The following TUBG2 variants were observed in gnomAD, a reference collection of about 807,000 sequenced individuals.
TUBG2 encodes tubulin gamma 2, also known as tubulin gamma-2 chain.
Under a neutral mutation model 55.1 loss-of-function variants are expected in TUBG2, and 39 were observed. That is an observed-to-expected ratio of 0.71 (90% confidence interval 0.55 to 0.93). TUBG2 has a LOEUF of 0.93. Among genes scored for constraint, TUBG2 ranks in the 40% least tolerant of loss-of-function variants. TUBG2 has a pLI of 0.00. For synonymous variants in TUBG2, 223 were observed against 241.0 expected, an observed-to-expected ratio of 0.93 and a Z score of 0.69; for missense variants, 358 against 599.1, an observed-to-expected ratio of 0.60 and a Z score of 4.20.
At chr17:42,659,590 C>T in intron 1 of TUBG2, 38 bp downstream of exon 1, 1 of 1,535,464 alleles carries the variant, frequency 6.5e-7, no homozygotes, top group Non-Finnish European at 8.8e-7. Flanking sequence ...GTCTCTGGTT[C>T]TGCCCCTTCG....
Position 42,666,367 on chromosome 17 carries a change from C to T in TUBG2, c.1041C>T (p.Asn347=), listed in dbSNP as rs370994542. ...LQRIRERKLA[N]FIPWGPASIQ... Reference sequence around the variant, plus strand: ...GGATCCGGGAACGGAAGTTGGCCAACTTCATCCCGTGGGGCCCCGCCAGCA... The same window carrying T: ...GGATCCGGGAACGGAAGTTGGCCAATTTCATCCCGTGGGGCCCCGCCAGCA... The change falls in exon 10 of 11, where the codon AAC becomes AAT. Residue 347 remains asparagine, a synonymous_variant. Coordinates refer to ENST00000251412, the MANE Select transcript of TUBG2 (RefSeq NM_016437.3). 2.5e-6 allele frequency: 4 copies of T among 1,614,126 alleles called. No individual in the cohort carries two copies. Among genetic ancestry groups the T allele is most frequent in the African/African-American group, 2.7e-5 (2 of 74,944 alleles).
chr17:42,665,406 G>T lies in TUBG2; in HGVS notation c.607-70G>T, dbSNP rs375870608. 69 of 1,610,604 alleles carry T rather than the reference G, an allele frequency of 4.3e-5. No individual in the cohort carries two copies. The East Asian group carries it at 6.0e-4, about 14-fold the overall frequency. The stretch of plus-strand genomic sequence containing the variant: ...TTCCTGGCTTTGGAGTTCAGCAGGG[G>T]CTAAGCCAATATCTTATTTCTATGC... On this transcript the variant is annotated intron_variant, in intron 6 of 10. Transcript: ENST00000251412.
Position 42,659,567 on chromosome 17 carries a change from G to A in TUBG2, c.49+15G>A, listed in dbSNP as rs965437753. Reference sequence around the variant, plus strand: ...CGGCAACCAGAGTGAGCAAGCGAGCGCCGGCCCCGCCGGTCTCTGGTTCTG... The same window carrying A: ...CGGCAACCAGAGTGAGCAAGCGAGCACCGGCCCCGCCGGTCTCTGGTTCTG... On this transcript the variant is annotated intron_variant, in intron 1 of 10. Transcript: ENST00000251412. 6.6e-7 allele frequency: 1 copy of A among 1,512,786 alleles called. No homozygotes were observed. Among genetic ancestry groups the A allele is most frequent in the Admixed American group, 2.1e-5 (1 of 48,270 alleles). The allele number at this position is 1,512,786 out of a possible 1,614,324, so 93.7% of individuals were successfully genotyped here.
Position 42,666,079 on chromosome 17 carries a change from C to T in TUBG2, c.844-8C>T, listed in dbSNP as rs753014826. ...GCTGGCCGGGTCCCTGTCTCACTGT[C>T]CCATCAGGTGGCCAGCGTGAGGAAG... On this transcript the variant is annotated splice_region_variant and splice_polypyrimidine_tract_variant and intron_variant, in intron 8 of 10. Coordinates refer to ENST00000251412, the MANE Select transcript of TUBG2 (RefSeq NM_016437.3). 2.5e-6 allele frequency: 4 copies of T among 1,613,990 alleles called. No homozygotes were observed. The highest frequency in any genetic ancestry group is 3.4e-6 in the Non-Finnish European group (4 of 1,179,874).
chr17:42,665,704 C>A lies in TUBG2; in HGVS notation c.720C>A (p.Thr240=). 2 of 1,614,196 alleles carry A rather than the reference C, an allele frequency of 1.2e-6. No individual in the cohort carries two copies. The highest frequency in any genetic ancestry group is 1.7e-6 in the Non-Finnish European group (2 of 1,180,036). ...TGTCCACCATCATGTCGGCCAGCAC[C>A]ACCACCCTGCGCTACCCCGGCTACA... ...QLVSTIMSAS[T]TTLRYPGYMN... is the part of the protein sequence containing the mutation. The change falls in exon 8 of 11, where the codon ACC becomes ACA. Residue 240 remains threonine, a synonymous_variant. Coordinates refer to ENST00000251412, the MANE Select transcript of TUBG2 (RefSeq NM_016437.3).
Position 42,665,469 on chromosome 17 carries a change from C to A in TUBG2, c.607-7C>A, listed in dbSNP as rs1167308916. On this transcript the variant is annotated splice_region_variant and splice_polypyrimidine_tract_variant and intron_variant, in intron 6 of 10. Coordinates refer to ENST00000251412, the MANE Select transcript of TUBG2 (RefSeq NM_016437.3). ...CAAGATGCTGTGATGCTCTTCTGTC[C>A]CCCCAGGTGGTGCTGGACAACACAG... 1.2e-6 allele frequency: 2 copies of A among 1,614,076 alleles called. No homozygotes were observed. The highest frequency in any genetic ancestry group is 1.7e-6 in the Non-Finnish European group (2 of 1,180,026).
intron 6 of TUBG2, 138 bp from the exon 7 acceptor site, chr17:42,665,338 C>T (rs2052500864): frequency 4.4e-6 from 6 of 1,353,152 alleles, no homozygotes; most frequent in Middle Eastern, 2.6e-4. Context: ...TGAGCCACCG[C>T]GCCCGGCCTC....
At position 42,663,023 on chromosome 17, in the gene TUBG2, C is replaced by G; in HGVS notation, c.450C>G (p.Gly150=). ...CTGGGGGTACGGGTTCTGGCCTGGG[C>G]TCCTACCTCCTGGAGCGACTGAATG... ...SIAGGTGSGL[G]SYLLERLNDR... is the part of the protein sequence containing the mutation. The change falls in exon 5 of 11, where the codon GGC becomes GGG. Residue 150 remains glycine, a synonymous_variant. Coordinates refer to ENST00000251412, the MANE Select transcript of TUBG2 (RefSeq NM_016437.3). 1 of 1,614,124 alleles carries G rather than the reference C, an allele frequency of 6.2e-7. No individual in the cohort carries two copies. Among genetic ancestry groups the G allele is most frequent in the Non-Finnish European group, 8.5e-7 (1 of 1,180,016 alleles).
At chr17:42,665,268 C>T (rs952858705) in intron 6 of TUBG2, among the ~76,000 whole-genome samples, 8 of 151,926 alleles carry the variant, frequency 5.3e-5, no homozygotes, top group Admixed American at 6.6e-5. Context: ...AAGATGGTCT[C>T]GATCTCCTGA....
At position 42,660,320 on chromosome 17, in the gene TUBG2, T is replaced by C. The variant is rs368638531; in HGVS notation, c.330+4T>C. ...CTGGGCCAGCGGATTCTCCCAGGTG[T>C]CCTAGCGACCATTCCAGAGACCTTT... On this transcript the variant is annotated splice_donor_region_variant and intron_variant, in intron 3 of 10. Coordinates refer to ENST00000251412, the MANE Select transcript of TUBG2 (RefSeq NM_016437.3). The C allele has an allele frequency of 1.0e-4, 169 of 1,614,068 alleles. 1 individual carries two copies. The highest frequency in any genetic ancestry group is 2.5e-5 in the Non-Finnish European group (29 of 1,180,028).
rs533994432 is a variant in TUBG2 at position 42,662,914 on chromosome 17, ATTGTG to A, written c.400-53_400-49del. The stretch of plus-strand genomic sequence containing the variant: ...AAGACCCCACCCATCTGGTATCAGA[ATTGTG>A]TTGTGAGAGTGTGGCAGGAGAAACT... On this transcript the variant is annotated intron_variant, in intron 4 of 10. Transcript: ENST00000251412. 1.3e-4 allele frequency: 199 copies of A among 1,552,370 alleles called. No individual in the cohort carries two copies. In the African/African-American group the frequency reaches 2.2e-3, roughly 17 times the overall value.
intron 5 of TUBG2, 22 bp downstream of exon 5, chr17:42,663,074 G>C (rs370231980): frequency 4.1e-5 from 66 of 1,611,092 alleles, no homozygotes; most frequent in Middle Eastern, 3.3e-4. Context: ...TTTGGGGAGA[G>C]GGCATTAACC....
Position 42,663,383 on chromosome 17 carries a change from C to G in TUBG2, c.486C>G (p.Pro162=). The change falls in exon 6 of 11, where the codon CCC becomes CCG. Residue 162 remains proline (P), a synonymous_variant. Transcript: ENST00000251412. ...YLLERLNDRY[P]KKLVQTYSVF... ...CCATCCTCTTTTCTCTCAGGTACCCCAAGAAGCTAGTGCAGACTTATTCAG... is the reference window on the plus strand; with the variant it reads ...CCATCCTCTTTTCTCTCAGGTACCCGAAGAAGCTAGTGCAGACTTATTCAG... 6.2e-7 allele frequency: 1 copy of G among 1,614,066 alleles called. No individual in the cohort carries two copies. Among genetic ancestry groups the G allele is most frequent in the Non-Finnish European group, 8.5e-7 (1 of 1,179,974 alleles).
chr17:42,665,420 T>C, intron 6 of TUBG2, 56 bp from the exon 7 acceptor site: 1 of 1,613,204 alleles, frequency 6.2e-7, no homozygotes, highest in East Asian at 2.2e-5. Flanking sequence ...AGCCAATATC[T>C]TATTTCTATG....
rs202088702 is a variant in TUBG2 at position 42,665,838 on chromosome 17, C to T, written c.843+11C>T. The T allele has an allele frequency of 1.2e-6, 2 of 1,614,118 alleles. No individual in the cohort carries two copies. The highest frequency in any genetic ancestry group is 2.7e-5 in the African/African-American group (2 of 75,056). On this transcript the variant is annotated intron_variant, in intron 8 of 10. Transcript: ENST00000251412. ...ACTACAGACCAGTCAGTAAGAGCAG[C>T]CTTCAGTGTCCCAGGCCAGGCTGGC...
In TUBG2 at chr17:42,666,848, C is replaced by T. The variant is rs771853042; in HGVS notation, c.*48C>T. The T allele has an allele frequency of 2.2e-5, 35 of 1,601,980 alleles. No homozygotes were observed. The highest frequency in any genetic ancestry group is 2.9e-5 in the Non-Finnish European group (34 of 1,170,380). On this transcript the variant is annotated 3_prime_UTR_variant, in exon 11 of 11. Coordinates refer to ENST00000251412, the MANE Select transcript of TUBG2 (RefSeq NM_016437.3). ...TCCTTCTAGATGGTAACCACAGCCT[C>T]GACCATGCCTGCTCCCTCTGACCCA... is the stretch of plus-strand genomic sequence containing the variant.
intron 6 of TUBG2, 99 bp downstream of exon 6, chr17:42,663,602 G>A (rs906047322): frequency 6.2e-6 from 9 of 1,454,210 alleles, no homozygotes; most frequent in East Asian, 2.3e-5. Context: ...GAGCTCAGGA[G>A]TTCAATACTA....
chr17:42,665,290 G>A (rs1438010469), intron 6 of TUBG2, among the ~76,000 whole-genome samples, 186 bp from the exon 7 acceptor site: 1 of 151,824 alleles, frequency 6.6e-6, no homozygotes, highest in East Asian at 1.9e-4. Flanking sequence ...CTTGTGATCC[G>A]CCCGTCTCGG....
chr17:42,659,425 T>C lies in TUBG2; in HGVS notation c.-79T>C. On this transcript the variant is annotated 5_prime_UTR_variant, in exon 1 of 11. Transcript: ENST00000251412. ...AAGAGAGCGCGCGCTCCCCACGTCC[T>C]GCGCTCCTGGCTGCCGGGCATTCGT... 1 of 1,462,078 alleles carries C rather than the reference T, an allele frequency of 6.8e-7. No individual in the cohort carries two copies. 90.6% of individuals were successfully genotyped at this position (1,462,078 alleles called of 1,614,324 possible).
Sources: gnomAD v4.1 joint callset for allele counts (sites outside exome capture counted in the v4.1 genomes callset) on GRCh38, gnomAD v4.1.1 for gene constraint, MANE v1.5 for transcripts, NCBI Gene and HGNC (gene_info 2026-07-23, HGNC 2026-07-21) for gene names.